THNSL1: variants seen among roughly 807,000 people sequenced by gnomAD.
THNSL1 encodes threonine synthase-like 1.
THNSL1 carries 48 observed loss-of-function variants against 50.4 expected under a neutral mutation model. That is an observed-to-expected ratio of 0.95 (90% CI 0.76 to 1.21). The LOEUF is 1.21. Ranked by LOEUF, THNSL1 falls within the 50% of genes most tolerant of loss-of-function variation. The pLI, the probability that THNSL1 is intolerant of heterozygous loss-of-function variation, is 0.00. For synonymous variants in THNSL1, 309 were observed against 306.1 expected (o/e 1.01, Z -0.10); for missense variants, 896 against 871.7 (o/e 1.03, Z -0.35).
At chr10:25,003,573 ACACATAAAT>A in the THNSL1 span, among the ~76,000 whole-genome samples, 1 of 152,212 alleles carries the variant, frequency 6.6e-6, no homozygotes, top group Non-Finnish European at 1.5e-5. Flanking sequence ...ATATCTTAAT[ACACATAAAT>A]CTTATTCTTT....
chr10:25,005,824 T>C, the THNSL1 span, among the ~76,000 whole-genome samples: 2 of 152,214 alleles, frequency 1.3e-5, no homozygotes, highest in African/African-American at 2.4e-5. Flanking sequence ...ATGATGATCT[T>C]AGTGCTGCTC....
the THNSL1 span, among the ~76,000 whole-genome samples, chr10:24,994,945 C>G: frequency 6.6e-6 from 1 of 152,052 alleles, no homozygotes; most frequent in African/African-American, 2.4e-5. Flanking sequence ...TCACTCGAGC[C>G]GGAAGTTGGA....
chr10:25,021,226 C>A (rs530981436), intron 1 of THNSL1, among the ~76,000 whole-genome samples: 41 of 152,292 alleles, frequency 2.7e-4, no homozygotes, highest in Admixed American at 9.8e-4. Context: ...GTGCTAACCA[C>A]TATGATATGT....
At chr10:24,967,879 ATTTTGTGTGTG>A in the THNSL1 span, among the ~76,000 whole-genome samples, 1 of 147,844 alleles carries the variant, frequency 6.8e-6, no homozygotes, top group Non-Finnish European at 1.5e-5. Flanking sequence ...ATGTGTGTGT[ATTTTGTGTGTG>A]TATGTGTGTA....
chr10:25,024,742 C>T lies in THNSL1; in HGVS notation c.1519C>T (p.Pro507Ser), dbSNP rs1344422574. ...TGGAAGCCCAGTCGATGTCTGTATT[C>T]CCACAGGAAACTTTGGTAACATTTT... ...SFGSPVDVCI[P>S]TGNFGNILAA... is the part of the protein sequence containing the mutation. Residue 507 changes from proline (P) to serine (S), a missense_variant, in exon 3 of 3, where the codon CCC becomes TCC. Physicochemically the swap from Pro to Ser is moderately conservative, Grantham distance 74 (BLOSUM62 -1). Coordinates refer to ENST00000376356, the MANE Select transcript of THNSL1 (RefSeq NM_024838.5). 1 of 1,614,104 alleles carries T rather than the reference C, an allele frequency of 6.2e-7. No individual in the cohort carries two copies. Among genetic ancestry groups the T allele is most frequent in the Non-Finnish European group, 8.5e-7 (1 of 1,180,020 alleles).
At chr10:24,959,589 G>A in the THNSL1 span, among the ~76,000 whole-genome samples, 1 of 152,090 alleles carries the variant, frequency 6.6e-6, no homozygotes, top group Non-Finnish European at 1.5e-5. Flanking sequence ...CTATGTTGTA[G>A]GTCTTCTAGG....
rs548636597 is a variant in THNSL1 at position 25,024,651 on chromosome 10, A to G, written c.1428A>G (p.Leu476=). Residue 476 remains leucine, a synonymous_variant, in exon 3 of 3, where the codon CTA becomes CTG. Coordinates refer to ENST00000376356, the MANE Select transcript of THNSL1 (RefSeq NM_024838.5). The stretch of plus-strand genomic sequence containing the variant: ...CTAACTCCATAAACTGGGGCCGACT[A>G]CTTCCGCAGGTAGTTTATCATGCTT... ...SSANSINWGR[L]LPQVVYHASA... 6.2e-7 allele frequency: 1 copy of G among 1,614,248 alleles called. No individual in the cohort carries two copies. The highest frequency in any genetic ancestry group is 1.1e-5 in the South Asian group (1 of 91,088).
chr10:24,968,004 TG>T, the THNSL1 span, among the ~76,000 whole-genome samples: 1 of 148,274 alleles, frequency 6.7e-6, no homozygotes, highest in Non-Finnish European at 1.5e-5. Context: ...GATGTGTGTG[TG>T]TGTGTGTGTG....
the THNSL1 span, among the ~76,000 whole-genome samples, chr10:25,008,034 A>G: frequency 6.7e-6 from 1 of 149,796 alleles, no homozygotes; most frequent in African/African-American, 2.4e-5. Context: ...ATATATAAGC[A>G]TGAGAAGGGC....
In THNSL1 at chr10:25,025,202, TG is replaced by T; in HGVS notation, c.1980del (p.Ile661LeufsTer19). On this transcript the variant is annotated frameshift_variant, in exon 3 of 3. Coordinates refer to ENST00000376356, the MANE Select transcript of THNSL1 (RefSeq NM_024838.5). LOFTEE classifies it high-confidence loss of function. ...ADRVQDKTCP[V>X]IISSTAHYSK... ...AGGGTGCAAGACAAAACTTGCCCTG[TG>T]ATTATCTCATCTACAGCCCATTACT... 1.9e-6 allele frequency: 3 copies of T among 1,614,212 alleles called. No individual in the cohort carries two copies. The highest frequency in any genetic ancestry group is 2.5e-6 in the Non-Finnish European group (3 of 1,180,038).
chr10:24,981,590 G>A, the THNSL1 span, among the ~76,000 whole-genome samples: 6 of 152,160 alleles, frequency 3.9e-5, no homozygotes, highest in Admixed American at 1.3e-4. Flanking sequence ...TGGACAAAAG[G>A]ACTATGGAAT....
chr10:25,013,476 A>G (rs913743395), upstream of THNSL1, among the ~76,000 whole-genome samples: 1 of 152,262 alleles, frequency 6.6e-6, no homozygotes. Context: ...ATAGTTGGAC[A>G]TGACTGTCAA....
chr10:24,972,053 G>T, the THNSL1 span, among the ~76,000 whole-genome samples: 41 of 150,618 alleles, frequency 2.7e-4, no homozygotes, highest in African/African-American at 9.5e-4. Context: ...TTAGCTGGGC[G>T]TGGTAGCGGG....
At chr10:24,995,725 G>C in the THNSL1 span, 1 of 1,613,868 alleles carries the variant, frequency 6.2e-7, no homozygotes, top group Non-Finnish European at 8.5e-7. Flanking sequence ...AACATAAATT[G>C]GTTTAGGCTT....
At position 25,024,711 on chromosome 10, in the gene THNSL1, T is replaced by G. The variant is rs1436081750; in HGVS notation, c.1488T>G (p.Ile496Met). The change falls in exon 3 of 3, where the codon ATT becomes ATG. Residue 496 changes from isoleucine (I) to methionine (M), a missense_variant. Ile to Met is a conservative substitution (Grantham distance 10). Coordinates refer to ENST00000376356, the MANE Select transcript of THNSL1 (RefSeq NM_024838.5). ...AYLDLVSQGF[I>M]SFGSPVDVCI... ...TTGATCTTGTTAGTCAAGGATTTAT[T>G]TCTTTTGGAAGCCCAGTCGATGTCT... is the stretch of plus-strand genomic sequence containing the variant. 2 of 1,614,124 alleles carry G rather than the reference T, an allele frequency of 1.2e-6. No homozygotes were observed. The highest frequency in any genetic ancestry group is 1.3e-5 in the African/African-American group (1 of 74,954).
the THNSL1 span, chr10:24,984,303 C>A: frequency 1.3e-6 from 2 of 1,544,338 alleles, no homozygotes; most frequent in Non-Finnish European, 1.8e-6. Flanking sequence ...TTTAGAGTAG[C>A]AAGAAGGCAC....
At chr10:25,013,299 T>C (rs1300074825), upstream of THNSL1, among the ~76,000 whole-genome samples, 2 of 152,222 alleles carry the variant, frequency 1.3e-5, no homozygotes, top group African/African-American at 2.4e-5. Context: ...TTTATTAAAT[T>C]TGCAAATGAC....
the THNSL1 span, among the ~76,000 whole-genome samples, chr10:24,989,961 G>C: frequency 6.6e-6 from 1 of 152,060 alleles, no homozygotes; most frequent in African/African-American, 2.4e-5. Context: ...TTAAGTCTAT[G>C]TAATTAAAAA....
chr10:24,984,262 G>C, the THNSL1 span: 3 of 1,236,278 alleles, frequency 2.4e-6, no homozygotes, highest in Non-Finnish European at 1.1e-6. Flanking sequence ...TTTTGCATTT[G>C]TGGAGCTCAG....
Sources: gnomAD v4.1 joint callset for allele counts (sites outside exome capture counted in the v4.1 genomes callset) on GRCh38, gnomAD v4.1.1 for gene constraint, MANE v1.5 for transcripts, NCBI Gene and HGNC (gene_info 2026-07-23, HGNC 2026-07-21) for gene names.